THAP9: variants seen among roughly 807,000 people sequenced by gnomAD.
THAP9 encodes the protein DNA transposase THAP9.
In THAP9, 20 loss-of-function variants were observed where a neutral mutation model predicts 35.7. That is an observed-to-expected ratio of 0.56 (90% CI 0.39 to 0.81). The LOEUF (loss-of-function observed/expected upper bound fraction) is 0.81. Among genes scored for constraint, THAP9 ranks in the 40% least tolerant of loss-of-function variants. The probability of loss-of-function intolerance (pLI) is 0.00; values close to 1 mark genes in which losing one functional copy is unlikely to be tolerated. For missense variants in THAP9, 870 were observed against 1,047.4 expected (o/e 0.83, Z 2.34); for synonymous variants, 335 against 373.7 (o/e 0.90, Z 1.19).
intron 1 of THAP9, among the ~76,000 whole-genome samples, chr4:82,904,453 G>A (rs939115864): frequency 1.3e-5 from 2 of 152,184 alleles, no homozygotes; most frequent in African/African-American, 4.8e-5. Context: ...ATTTAAATTT[G>A]AGCAAATTCT....
chr4:82,910,577 T>C (rs1165083311), intron 4 of THAP9: 2 of 258,194 alleles, frequency 7.7e-6, no homozygotes, highest in African/African-American at 4.6e-5. Flanking sequence ...ATATTAATGG[T>C]ATATACGTTT....
chr4:82,909,217 T>TA (rs1412399019), intron 4 of THAP9, among the ~76,000 whole-genome samples: 1 of 152,142 alleles, frequency 6.6e-6, no homozygotes, highest in Non-Finnish European at 1.5e-5. Context: ...GATTCCTTTA[T>TA]AAAAAATTAT....
Position 82,917,442 on chromosome 4 carries a change from A to T in THAP9, c.1230A>T (p.Ala410=), listed in dbSNP as rs765465472. The stretch of plus-strand genomic sequence containing the variant: ...CTTCATCTTCTAGTCAACAGATTGC[A>T]TACTTCTTTGACTCTTGCCACTTGC... ...QHPSSSSQQI[A]YFFDSCHLLR... is the part of the protein sequence containing the mutation. Residue 410 remains alanine (A), a synonymous_variant, in exon 5 of 5, where the codon GCA becomes GCT. Coordinates refer to ENST00000302236, the MANE Select transcript of THAP9 (RefSeq NM_024672.6). The T allele has an allele frequency of 6.2e-7, 1 of 1,614,002 alleles. No individual in the cohort carries two copies. Among genetic ancestry groups the T allele is most frequent in the African/African-American group, 1.3e-5 (1 of 74,942 alleles).
chr4:82,907,196 T>C (rs1668113607), intron 3 of THAP9, among the ~76,000 whole-genome samples: 1 of 152,156 alleles, frequency 6.6e-6, no homozygotes, highest in Non-Finnish European at 1.5e-5. Flanking sequence ...ACTTGTTCTT[T>C]GATGAAAGCA....
chr4:82,919,031 T>A lies in THAP9; in HGVS notation c.*107T>A, dbSNP rs1385033316. ...TGCGCATTCTGCACAGTGGACAAGTTTGCAATTCTGACTTATTAAAATTTC... is the reference window on the plus strand; with the variant it reads ...TGCGCATTCTGCACAGTGGACAAGTATGCAATTCTGACTTATTAAAATTTC... On this transcript the variant is annotated 3_prime_UTR_variant, in exon 5 of 5. Transcript: ENST00000302236. 25 of 905,212 alleles carry A rather than the reference T, an allele frequency of 2.8e-5. No individual in the cohort carries two copies. Among genetic ancestry groups the A allele is most frequent in the South Asian group, 2.1e-4 (10 of 48,176 alleles). 56.1% of individuals were successfully genotyped at this position (905,212 alleles called of 1,614,324 possible). A position where few individuals can be genotyped will look rare whatever the true frequency, so the allele number is the denominator to read the frequency against.
rs1314545939 is a variant in THAP9, at chr4:82,917,065, C to G, written c.853C>G (p.Pro285Ala). Residue 285 changes from proline (P) to alanine (A), a missense_variant, in exon 5 of 5, where the codon CCT becomes GCT. Pro to Ala is a conservative substitution (Grantham distance 27). This residue lies in a region of THAP9 where 440 missense variants were observed against 501.2 expected (regional missense o/e 0.88). Transcript: ENST00000302236. ...CTGTTCATTGTTAATAAAAAGTATG[C>G]CTCTCAAGCAACAGCTTCAGTGGGA... ...QYCSLLIKSM[P>A]LKQQLQWDPS... The G allele has an allele frequency of 2.5e-6, 4 of 1,613,200 alleles. No homozygotes were observed. The highest frequency in any genetic ancestry group is 3.4e-6 in the Non-Finnish European group (4 of 1,179,676).
chr4:82,908,741 T>C (rs1172615488), intron 4 of THAP9, among the ~76,000 whole-genome samples: 1 of 152,100 alleles, frequency 6.6e-6, no homozygotes, highest in African/African-American at 2.4e-5. Context: ...ATTACAGGCA[T>C]GTGCCACCAC....
intron 1 of THAP9, chr4:82,901,273 C>G: frequency 2.3e-6 from 1 of 436,504 alleles, no homozygotes; most frequent in South Asian, 1.7e-5. Context: ...CCTGTACTGC[C>G]TGACATTGCA....
At chr4:82,907,281 G>A (rs1720683078) in intron 3 of THAP9, among the ~76,000 whole-genome samples, 1 of 152,050 alleles carries the variant, frequency 6.6e-6, no homozygotes, top group Non-Finnish European at 1.5e-5. Context: ...ATCTCCAAAG[G>A]AGATGAATAT....
At position 82,918,601 on chromosome 4, in the gene THAP9, T is replaced by C; in HGVS notation, c.2389T>C (p.Leu797=). 1.2e-6 allele frequency: 2 copies of C among 1,614,122 alleles called. No homozygotes were observed. The highest frequency in any genetic ancestry group is 1.7e-6 in the Non-Finnish European group (2 of 1,179,968). ...IFELVSKQRE[L]YLQQKILCEL... is the part of the protein sequence containing the mutation. ...TGAACTAGTTTCTAAACAAAGGGAA[T>C]TGTATCTTCAACAGAAAATATTATG... Residue 797 remains leucine, a synonymous_variant, in exon 5 of 5, where the codon TTG becomes CTG. Transcript: ENST00000302236.
In THAP9 at chr4:82,906,445, C is replaced by A; in HGVS notation, c.398C>A (p.Thr133Lys). ...AACTATAGTTTAAAGACACCTTTGA[C>A]GATAGGTGCAGAGAAACTGGCTGAG... ...DHNYSLKTPLTIGAEKLAEVQ... is the reference protein window; with the variant it reads ...DHNYSLKTPLKIGAEKLAEVQ... The change falls in exon 3 of 5, where the codon ACG (threonine) becomes AAG (lysine). Residue 133 changes from threonine (T) to lysine (K), a missense_variant. Coordinates refer to ENST00000302236, the MANE Select transcript of THAP9 (RefSeq NM_024672.6). 1 of 1,613,738 alleles carries A rather than the reference C, an allele frequency of 6.2e-7. No homozygotes were observed. The highest frequency in any genetic ancestry group is 1.1e-5 in the South Asian group (1 of 91,060).
At chr4:82,904,678 T>C in intron 1 of THAP9, 58 bp from the exon 2 acceptor site, 1 of 1,480,144 alleles carries the variant, frequency 6.8e-7, no homozygotes, top group Non-Finnish European at 9.4e-7. Flanking sequence ...TAATAAATAC[T>C]ACTGTAATAG....
Position 82,904,929 on chromosome 4 carries a change from A to G in THAP9, c.274A>G (p.Lys92Glu), listed in dbSNP as rs748761584. The change falls in exon 2 of 5, where the codon AAG (lysine) becomes GAG (glutamate). Residue 92 changes from lysine to glutamate, a missense_variant and splice_region_variant. This residue lies in a region of THAP9 where 440 missense variants were observed against 501.2 expected (regional missense o/e 0.88). Transcript: ENST00000302236. Reference sequence around the variant, plus strand: ...AGCTGTGCCTTCTGTTTCTCTATACAAGGTATTTAAATGTAGGTGTAAGTC... The same window carrying G: ...AGCTGTGCCTTCTGTTTCTCTATACGAGGTATTTAAATGTAGGTGTAAGTC... ...KGAVPSVSLY[K>E]IPQGVHLKGK... 3.1e-6 allele frequency: 5 copies of G among 1,613,392 alleles called. No individual in the cohort carries two copies. The South Asian group carries it at 5.5e-5, about 18-fold the overall frequency.
chr4:82,903,825 C>G (rs1164663877), intron 1 of THAP9, among the ~76,000 whole-genome samples: 1 of 152,140 alleles, frequency 6.6e-6, no homozygotes, highest in Non-Finnish European at 1.5e-5. Flanking sequence ...TCAACATGGC[C>G]TTTGACTGGA....
In THAP9 at chr4:82,917,569, C is replaced by A. The variant is rs748851525; in HGVS notation, c.1357C>A (p.Gln453Lys). The change falls in exon 5 of 5, where the codon CAG (glutamine) becomes AAG (lysine). Residue 453 changes from glutamine to lysine, a missense_variant. Around this residue, in one of 3 missense-constraint regions of THAP9, gnomAD observed 16 missense variants for 45.5 expected, o/e 0.35. Transcript: ENST00000302236. ...HLVELVALEE[Q>K]ELSNMERIPS... The stretch of plus-strand genomic sequence containing the variant: ...CGTGGAGTTAGTAGCACTGGAGGAA[C>A]AGGAATTATCAAATATGGAAAGAAT... 1 of 1,613,942 alleles carries A rather than the reference C, an allele frequency of 6.2e-7. No homozygotes were observed. The highest frequency in any genetic ancestry group is 2.2e-5 in the East Asian group (1 of 44,874).
At chr4:82,910,322 A>T (rs999406953) in intron 4 of THAP9, 1 of 152,376 alleles carries the variant, frequency 6.6e-6, no homozygotes, top group African/African-American at 2.4e-5. Context: ...GTTATAAAAC[A>T]TTCAAACAGT....
Position 82,918,102 on chromosome 4 carries a change from C to T in THAP9, c.1890C>T (p.Thr630=). 6.2e-7 allele frequency: 1 copy of T among 1,614,120 alleles called. No homozygotes were observed. The highest frequency in any genetic ancestry group is 8.5e-7 in the Non-Finnish European group (1 of 1,180,002). The change falls in exon 5 of 5, where the codon ACC becomes ACT. Residue 630 remains threonine (T), a synonymous_variant. Transcript: ENST00000302236. The part of the protein sequence containing the change: ...RQVLVTSSSP[T]CMAFQKAYYN... The stretch of plus-strand genomic sequence containing the variant: ...TATTAGTAACAAGTTCTAGCCCTAC[C>T]TGCATGGCATTCCAGAAAGCTTACT...
chr4:82,901,391 A>C (rs1404101527), intron 1 of THAP9, among the ~76,000 whole-genome samples: 3 of 152,182 alleles, frequency 2.0e-5, no homozygotes, highest in African/African-American at 7.2e-5. Context: ...AGAATTTCAG[A>C]TCAGTCTTAT....
rs1395264898 is a variant in THAP9 at position 82,919,043 on chromosome 4, CTT to C, written c.*120_*121del. ...ACAGTGGACAAGTTTGCAATTCTGA[CTT>C]ATTAAAATTTCAAATTCTGCATATC... is the stretch of plus-strand genomic sequence containing the variant. On this transcript the variant is annotated 3_prime_UTR_variant, in exon 5 of 5. Coordinates refer to ENST00000302236, the MANE Select transcript of THAP9 (RefSeq NM_024672.6). 2 of 807,756 alleles carry C rather than the reference CTT, an allele frequency of 2.5e-6. No homozygotes were observed. Among genetic ancestry groups the C allele is most frequent in the African/African-American group, 3.5e-5 (2 of 57,254 alleles). 50.0% of individuals were successfully genotyped at this position (807,756 alleles called of 1,614,324 possible).
Sources: gnomAD v4.1 joint callset for allele counts (sites outside exome capture counted in the v4.1 genomes callset) on GRCh38, gnomAD v4.1.1 for gene constraint, gnomAD v4.1.1 regional missense constraint, MANE v1.5 for transcripts, NCBI Gene and HGNC (gene_info 2026-07-23, HGNC 2026-07-21) for gene names.